SORCS2: variants seen among roughly 807,000 people sequenced by gnomAD.
SORCS2 encodes the protein sortilin related VPS10 domain containing receptor 2.
Under a neutral mutation model 141.6 loss-of-function variants are expected in SORCS2, and 100 were observed. That is an observed-to-expected ratio of 0.71 (90% confidence interval 0.60 to 0.83). The LOEUF (loss-of-function observed/expected upper bound fraction) is 0.83, where lower values mean the gene tolerates loss of function less well. Among genes scored for constraint, SORCS2 ranks in the 40% least tolerant of loss-of-function variants. The pLI, the probability that SORCS2 is intolerant of heterozygous loss-of-function variation, is 0.00. For missense variants in SORCS2, 1,646 were observed against 1,560.2 expected (o/e 1.05, Z -0.93); for synonymous variants, 789 against 676.9 (o/e 1.17, Z -2.57).
In SORCS2 at chr4:7,193,672, C is replaced by G. The variant is rs1485177864; in HGVS notation, c.480+546C>G. ...GGGTTACCCCTCTCCCCGGGGTACT[C>G]TAGTGCGACCCGCGGCTGTCTTGAG... On this transcript the variant is annotated intron_variant, in intron 1 of 26. Coordinates refer to ENST00000507866, the MANE Select transcript of SORCS2 (RefSeq NM_020777.3). This position sits in a 1 kb window ranked among gnomAD's most constrained non-coding sequence, Gnocchi z 4.8. Among the ~76,000 whole-genome samples, 3 of 152,202 alleles carry G rather than the reference C, an allele frequency of 2.0e-5. No individual in the cohort carries two copies. Among genetic ancestry groups the G allele is most frequent in the Non-Finnish European group, 2.9e-5 (2 of 68,028 alleles).
chr4:7,233,977 C>T lies in SORCS2; in HGVS notation c.480+40851C>T, dbSNP rs533417674. Reference sequence around the variant, plus strand: ...AGATGGAAAGGGGGTGGGGGAGGACCGTATCCCCGAGCCTCTCCAGGGAGC... The same window carrying T: ...AGATGGAAAGGGGGTGGGGGAGGACTGTATCCCCGAGCCTCTCCAGGGAGC... On this transcript the variant is annotated intron_variant, in intron 1 of 26. Coordinates refer to ENST00000507866, the MANE Select transcript of SORCS2 (RefSeq NM_020777.3). The surrounding 1 kb of genome is among the most constrained non-coding windows in gnomAD (Gnocchi z 4.5). 3.3e-5 allele frequency among the ~76,000 whole-genome samples: 5 copies of T among 152,238 alleles called. No individual in the cohort carries two copies. Among genetic ancestry groups the T allele is most frequent in the South Asian group, 2.1e-4 (1 of 4,810 alleles).
intron 3 of SORCS2, among the ~76,000 whole-genome samples, chr4:7,567,945 T>C (rs1229465709): frequency 6.6e-6 from 1 of 152,262 alleles, no homozygotes; most frequent in Admixed American, 6.5e-5. Flanking sequence ...AGTTGGCTGC[T>C]GTGTCTCTTT....
rs1006741750 is a variant in SORCS2 at position 7,603,383 on chromosome 4, T to A, written c.649-34945T>A. On this transcript the variant is annotated intron_variant, in intron 3 of 26. Coordinates refer to ENST00000507866, the MANE Select transcript of SORCS2 (RefSeq NM_020777.3). ...GAAATGGCAAATCCTCTGTTCTGAT[T>A]TGTGGACCGATTTTCTCCGTCTGTT... Among the ~76,000 whole-genome samples, 7 of 152,224 alleles carry A rather than the reference T, an allele frequency of 4.6e-5. No individual in the cohort carries two copies. The East Asian group carries it at 9.6e-4, about 21-fold the overall frequency.
chr4:7,355,149 G>A (rs1002761865), intron 1 of SORCS2, among the ~76,000 whole-genome samples: 3 of 152,128 alleles, frequency 2.0e-5, no homozygotes, highest in Non-Finnish European at 2.9e-5. Context: ...TCGCTGGGAG[G>A]AAACTGGGCC....
chr4:7,597,986 T>TA (rs1717397761), intron 3 of SORCS2, among the ~76,000 whole-genome samples: 1 of 146,918 alleles, frequency 6.8e-6, no homozygotes, highest in African/African-American at 2.5e-5. Flanking sequence ...TTTTTTTTTT[T>TA]AATATGGAGT....
intron 1 of SORCS2, among the ~76,000 whole-genome samples, chr4:7,323,690 C>T (rs1285745515): frequency 2.0e-5 from 3 of 152,086 alleles, no homozygotes; most frequent in Non-Finnish European, 4.4e-5. Flanking sequence ...TCAGAGTCAG[C>T]CCCATCTTTC....
intron 1 of SORCS2, among the ~76,000 whole-genome samples, chr4:7,216,882 T>C (rs553423401): frequency 1.3e-5 from 2 of 152,270 alleles, no homozygotes; most frequent in Non-Finnish European, 2.9e-5. Context: ...GATGGTGGTT[T>C]CCATGGTTCC....
chr4:7,518,414 C>T (rs1378345245), intron 2 of SORCS2, among the ~76,000 whole-genome samples: 1 of 152,164 alleles, frequency 6.6e-6, no homozygotes. Flanking sequence ...GCTGGGAATT[C>T]CTAGGCAAGT....
intron 3 of SORCS2, among the ~76,000 whole-genome samples, chr4:7,579,098 C>T (rs553791924): frequency 1.3e-5 from 2 of 152,260 alleles, no homozygotes; most frequent in South Asian, 4.2e-4. Context: ...CTAGCTACCC[C>T]CAACACAAAC....
intron 1 of SORCS2, among the ~76,000 whole-genome samples, chr4:7,214,869 C>T (rs1577283951): frequency 6.6e-6 from 1 of 152,196 alleles, no homozygotes; most frequent in African/African-American, 2.4e-5. Context: ...TAGGTCTGTT[C>T]TGCTCATGGA....
At chr4:7,456,534 C>G (rs537403053) in intron 2 of SORCS2, among the ~76,000 whole-genome samples, 1 of 152,202 alleles carries the variant, frequency 6.6e-6, no homozygotes, top group East Asian at 1.9e-4. Context: ...GCACTGTTGT[C>G]CCTCCCCACC....
intron 2 of SORCS2, among the ~76,000 whole-genome samples, chr4:7,449,701 G>T (rs1728319312): frequency 6.6e-6 from 1 of 152,026 alleles, no homozygotes; most frequent in Non-Finnish European, 1.5e-5. Context: ...TTCCATGTTG[G>T]CCCTGGAGGG....
intron 3 of SORCS2, among the ~76,000 whole-genome samples, chr4:7,534,928 T>G (rs1447058125): frequency 6.6e-6 from 1 of 152,090 alleles, no homozygotes; most frequent in African/African-American, 2.4e-5. Flanking sequence ...GCTGCAGGGG[T>G]TGGGGCTGGG....
intron 2 of SORCS2, among the ~76,000 whole-genome samples, chr4:7,473,413 C>G (rs1365866769): frequency 6.6e-6 from 1 of 152,152 alleles, no homozygotes; most frequent in Admixed American, 6.5e-5. Context: ...CAGCTGACCT[C>G]CTCGCAGGGA....
chr4:7,658,239 C>CTGAGAGAATGAGTGAG (rs1721931950), intron 5 of SORCS2, among the ~76,000 whole-genome samples: 1 of 148,318 alleles, frequency 6.7e-6, no homozygotes, highest in African/African-American at 2.5e-5. Flanking sequence ...GAATGAGTGA[C>CTGAGAGAATGAGTGAG]TGAGAGAATG....
chr4:7,726,231 C>A (rs1313406852), intron 20 of SORCS2, among the ~76,000 whole-genome samples: 1 of 152,180 alleles, frequency 6.6e-6, no homozygotes, highest in Admixed American at 6.5e-5. Context: ...GGAGTGAAGG[C>A]CCAGCCCGGC....
chr4:7,529,681 G>A (rs565297804), intron 2 of SORCS2, among the ~76,000 whole-genome samples: 4 of 152,200 alleles, frequency 2.6e-5, no homozygotes, highest in African/African-American at 7.2e-5. Flanking sequence ...TGTCAGGCTC[G>A]TAAACACAAC....
chr4:7,531,701 C>A, intron 3 of SORCS2, 72 bp downstream of exon 3: 1 of 1,439,008 alleles, frequency 6.9e-7, no homozygotes. Flanking sequence ...AGCAAGGAAG[C>A]TGCTGCCCTG....
At chr4:7,199,316 T>G (rs1397241621) in intron 1 of SORCS2, among the ~76,000 whole-genome samples, 3 of 151,960 alleles carry the variant, frequency 2.0e-5, no homozygotes, top group African/African-American at 7.2e-5. Flanking sequence ...GGAGGCACAG[T>G]GCAGGGAGAG....
Sources: gnomAD v4.1 joint callset for allele counts (sites outside exome capture counted in the v4.1 genomes callset) on GRCh38, gnomAD v4.1.1 for gene constraint, Gnocchi (gnomAD v3.1) non-coding constraint, MANE v1.5 for transcripts, NCBI Gene and HGNC (gene_info 2026-07-23, HGNC 2026-07-21) for gene names.